Variants in FARP1 observed in about 807,000 individuals in gnomAD.
The protein encoded by FARP1 is FERM, ARH/RhoGEF and pleckstrin domain protein 1.
In FARP1, 52 loss-of-function variants were observed where a neutral mutation model predicts 128.8. The observed-to-expected ratio is 0.40, with a 90% CI of 0.32 to 0.51. The LOEUF is 0.51. Among genes scored for constraint, FARP1 ranks in the 20% least tolerant of loss-of-function variants. FARP1 has a pLI of 0.45. For synonymous variants in FARP1, 580 were observed against 551.8 expected (o/e 1.05, Z -0.72); for missense variants, 1,333 against 1,367.9 (o/e 0.97, Z 0.40).
At position 98,357,867 on chromosome 13, in the gene FARP1, C is replaced by T. The variant is rs2139935175; in HGVS notation, c.277-7528C>T. ...TATAGTTATTTGGAAGCGATTTGAT[C>T]CTTTTGGATTTGGTTTTTAAGACTT... On this transcript the variant is annotated intron_variant, in intron 3 of 26. Coordinates refer to ENST00000319562, the MANE Select transcript of FARP1 (RefSeq NM_005766.4). Among the ~76,000 whole-genome samples, 3 of 152,118 alleles carry T rather than the reference C, an allele frequency of 2.0e-5. No homozygotes were observed. The South Asian group carries it at 6.2e-4, about 32-fold the overall frequency.
At chr13:98,404,134 A>G (rs1353392605) in intron 13 of FARP1, 1 of 152,126 alleles carries the variant, frequency 6.6e-6, no homozygotes, top group East Asian at 1.9e-4. Flanking sequence ...TAGCACATTC[A>G]TTTTTCCATT....
At chr13:98,312,424 A>C (rs1886515186) in intron 2 of FARP1, among the ~76,000 whole-genome samples, 1 of 152,174 alleles carries the variant, frequency 6.6e-6, no homozygotes, top group Non-Finnish European at 1.5e-5. Flanking sequence ...CAGGCGTGAG[A>C]CACTGCGCCC....
In FARP1 at chr13:98,379,132, TAA is replaced by T. The variant is rs1889764233; in HGVS notation, c.496+1215_496+1216del. 4.9e-4 allele frequency among the ~76,000 whole-genome samples: 48 copies of T among 97,752 alleles called. 15 individuals are homozygous for T. The South Asian group carries it at 0.014, about 29-fold the overall frequency. 64.1% of individuals were successfully genotyped at this position (97,752 alleles called of 152,430 possible). ...ATATAATCTATATATAATATATATA[TAA>T]TATATAATCTATATATAATATATAT... On this transcript the variant is annotated intron_variant, in intron 6 of 26. Transcript: ENST00000319562.
chr13:98,176,708 TG>T lies in FARP1; in HGVS notation c.-24+33220del. 2 of 1,614,184 alleles carry T rather than the reference TG, an allele frequency of 1.2e-6. No individual in the cohort carries two copies. The highest frequency in any genetic ancestry group is 8.5e-7 in the Non-Finnish European group (1 of 1,180,024). On this transcript the variant is annotated intron_variant, in intron 1 of 26. Coordinates refer to ENST00000319562, the MANE Select transcript of FARP1 (RefSeq NM_005766.4). The surrounding 1 kb of genome is among the most constrained non-coding windows in gnomAD (Gnocchi z 6.2). ...GCGCGCAGATGCCCTGGCGCACGTA[TG>T]GGGCCCTTCCTCGCCATCCCCGAGG...
intron 2 of FARP1, among the ~76,000 whole-genome samples, chr13:98,238,445 C>T (rs1211290427): frequency 6.6e-6 from 1 of 152,116 alleles, no homozygotes; most frequent in East Asian, 1.9e-4. Flanking sequence ...GTATTCCGTT[C>T]TCATGGTGCT....
intron 5 of FARP1, among the ~76,000 whole-genome samples, chr13:98,373,999 C>G (rs1889468652): frequency 6.6e-6 from 1 of 152,140 alleles, no homozygotes; most frequent in Non-Finnish European, 1.5e-5. Context: ...TTCCCATTGC[C>G]CGTCACATTA....
At chr13:98,446,317 G>A (rs774147497) in intron 25 of FARP1, 112 bp downstream of exon 25, 8 of 688,180 alleles carry the variant, frequency 1.2e-5, no homozygotes, top group African/African-American at 1.8e-5. Context: ...CAGGTGTCAC[G>A]GGGATGACAG....
At chr13:98,264,429 A>G (rs1884007992) in intron 2 of FARP1, among the ~76,000 whole-genome samples, 1 of 152,292 alleles carries the variant, frequency 6.6e-6, no homozygotes, top group Admixed American at 6.5e-5. Flanking sequence ...CAGTGGATCC[A>G]TGCTGTCCGT....
intron 2 of FARP1, among the ~76,000 whole-genome samples, chr13:98,216,456 G>T (rs906396434): frequency 6.6e-6 from 1 of 152,178 alleles, no homozygotes; most frequent in Admixed American, 6.5e-5. Flanking sequence ...ACTTCTCATG[G>T]CTCAGTCACA....
chr13:98,412,022 G>T lies in FARP1; in HGVS notation c.1814G>T (p.Arg605Leu), dbSNP rs1309712228. ...HTNFLKEIEQ[R>L]LALWEGRSNA... ...AATTTTCTCAAGGAAATTGAGCAAC[G>T]ACTTGCCCTGTGGTGAGTACATTTC... The change falls in exon 16 of 27, where the codon CGA becomes CTA. Residue 605 changes from arginine to leucine, a missense_variant. Arg to Leu is a moderately radical substitution (Grantham distance 102, BLOSUM62 -2). This residue lies in a region of FARP1 where 1,009 missense variants were observed against 969.8 expected (regional missense o/e 1.04). Coordinates refer to ENST00000319562, the MANE Select transcript of FARP1 (RefSeq NM_005766.4). 6.2e-7 allele frequency: 1 copy of T among 1,614,074 alleles called. No homozygotes were observed. Among genetic ancestry groups the T allele is most frequent in the South Asian group, 1.1e-5 (1 of 91,064 alleles).
At chr13:98,309,308 A>G (rs1348464186) in intron 2 of FARP1, among the ~76,000 whole-genome samples, 1 of 148,992 alleles carries the variant, frequency 6.7e-6, no homozygotes, top group East Asian at 2.0e-4. Context: ...CTGGGCCTAC[A>G]GGCGCCCACC....
In FARP1 at chr13:98,355,744, A is replaced by T. The variant is rs184965303; in HGVS notation, c.277-9651A>T. 1.2e-3 allele frequency among the ~76,000 whole-genome samples: 181 copies of T among 152,360 alleles called. 1 individual carries two copies. The highest frequency in any genetic ancestry group is 2.1e-3 in the Non-Finnish European group (144 of 68,040). ...ATTACATATGTTTAAATTGTAATAG[A>T]TTATTTTTAAAATTAATAGGGTTTT... On this transcript the variant is annotated intron_variant, in intron 3 of 26. Coordinates refer to ENST00000319562, the MANE Select transcript of FARP1 (RefSeq NM_005766.4).
intron 13 of FARP1, chr13:98,404,823 C>G (rs1292141755): frequency 6.6e-6 from 1 of 152,068 alleles, no homozygotes; most frequent in Non-Finnish European, 1.5e-5. Context: ...ATTGAGAATG[C>G]AATCAGTAGT....
At position 98,454,127 on chromosome 13, in the gene FARP1, ATCT is replaced by A. The variant is rs1400111558; in HGVS notation, c.*5815_*5817del. ...TTAAGTACTATAGAAATTCTAAAAA[ATCT>A]TCTTTGCACTATAAGGTAGATAAGA... On this transcript the variant is annotated 3_prime_UTR_variant, in exon 27 of 27. Coordinates refer to ENST00000319562, the MANE Select transcript of FARP1 (RefSeq NM_005766.4). 1.3e-5 allele frequency: 2 copies of A among 152,244 alleles called. No individual in the cohort carries two copies. Among genetic ancestry groups the A allele is most frequent in the African/African-American group, 4.8e-5 (2 of 41,462 alleles). The allele number at this position is 152,244 out of a possible 1,614,324, so 9.4% of individuals were successfully genotyped here.
At chr13:98,379,250 C>CTA (rs1261244234) in intron 6 of FARP1, among the ~76,000 whole-genome samples, 1 of 129,892 alleles carries the variant, frequency 7.7e-6, no homozygotes, top group Non-Finnish European at 1.6e-5. Context: ...TATATATAAT[C>CTA]TATATATATA....
intron 1 of FARP1, among the ~76,000 whole-genome samples, chr13:98,207,962 ACACACACT>A (rs1295709294): frequency 7.6e-5 from 11 of 145,580 alleles, no homozygotes; most frequent in Admixed American, 1.4e-4. Context: ...ACACACACAC[ACACACACT>A]TTGATTCATT....
At chr13:98,248,188 A>G (rs888378001) in intron 2 of FARP1, among the ~76,000 whole-genome samples, 1 of 152,212 alleles carries the variant, frequency 6.6e-6, no homozygotes, top group African/African-American at 2.4e-5. Flanking sequence ...AATATCTGGC[A>G]TGAGTAAAGG....
At chr13:98,318,068 CTTTTTTTTTT>C (rs35762706) in intron 2 of FARP1, among the ~76,000 whole-genome samples, 1 of 104,176 alleles carries the variant, frequency 9.6e-6, no homozygotes, top group Non-Finnish European at 1.9e-5. Flanking sequence ...TCTCCTCCTC[CTTTTTTTTTT>C]TTTTTTTTTT....
intron 24 of FARP1, among the ~76,000 whole-genome samples, chr13:98,444,150 T>C (rs1039847175): frequency 6.6e-6 from 1 of 152,106 alleles, no homozygotes; most frequent in Non-Finnish European, 1.5e-5. Flanking sequence ...AGGGCTCCGG[T>C]CTGCCGTGTC....
Sources: gnomAD v4.1 joint callset for allele counts (sites outside exome capture counted in the v4.1 genomes callset) on GRCh38, gnomAD v4.1.1 for gene constraint, gnomAD v4.1.1 regional missense constraint, Gnocchi (gnomAD v3.1) non-coding constraint, MANE v1.5 for transcripts, NCBI Gene and HGNC (gene_info 2026-07-23, HGNC 2026-07-21) for gene names.